Variants in PPP2R2B observed in about 807,000 individuals in gnomAD.
PPP2R2B encodes protein phosphatase 2 regulatory subunit Bbeta.
In PPP2R2B, 5 loss-of-function variants were observed where a neutral mutation model predicts 46.0. The ratio of observed to expected loss-of-function variants is 0.11; its 90% CI spans 0.06 to 0.23. PPP2R2B has a LOEUF of 0.23. Ranked by LOEUF, PPP2R2B falls within the 10% of genes least tolerant of loss-of-function variation. PPP2R2B has a pLI of 1.00. For missense variants in PPP2R2B, 367 were observed against 575.0 expected (o/e 0.64, Z 3.70); for synonymous variants, 215 against 206.7 (o/e 1.04, Z -0.34).
At chr5:146,783,776 C>A (rs1313098081) in intron 2 of PPP2R2B, among the ~76,000 whole-genome samples, 1 of 152,184 alleles carries the variant, frequency 6.6e-6, no homozygotes, top group East Asian at 1.9e-4. Context: ...CTCTGAGGAA[C>A]AAGGACCTGA....
chr5:146,892,336 G>A (rs116463004), intron 1 of PPP2R2B, among the ~76,000 whole-genome samples: 58 of 152,226 alleles, frequency 3.8e-4, no homozygotes, highest in East Asian at 5.8e-4. Flanking sequence ...GTAAAATAGC[G>A]TTGAAATAAT....
intron 2 of PPP2R2B, among the ~76,000 whole-genome samples, chr5:146,803,971 T>A (rs1303587414): frequency 2.0e-5 from 3 of 152,024 alleles, no homozygotes; most frequent in African/African-American, 7.2e-5. Context: ...ATAAAGACCA[T>A]CCTGGCTAAT....
At chr5:146,805,014 C>T (rs1196770857) in intron 2 of PPP2R2B, among the ~76,000 whole-genome samples, 5 of 151,854 alleles carry the variant, frequency 3.3e-5, no homozygotes, top group East Asian at 3.8e-4. Context: ...CAAGATGGCA[C>T]CATAAACAAC....
intron 2 of PPP2R2B, among the ~76,000 whole-genome samples, chr5:146,712,408 G>A (rs879385039): frequency 2.6e-5 from 4 of 152,110 alleles, no homozygotes; most frequent in South Asian, 2.1e-4. Flanking sequence ...AACTAGTGTT[G>A]ATTTTCATCA....
intron 1 of PPP2R2B, among the ~76,000 whole-genome samples, chr5:146,974,623 T>G (rs1291492062): frequency 3.3e-5 from 5 of 152,098 alleles, no homozygotes; most frequent in Non-Finnish European, 5.9e-5. Flanking sequence ...ACTATATGCT[T>G]AATAAATTAA....
intron 7 of PPP2R2B, among the ~76,000 whole-genome samples, chr5:146,620,110 A>G (rs1333347233): frequency 6.6e-6 from 1 of 152,112 alleles, no homozygotes; most frequent in African/African-American, 2.4e-5. Flanking sequence ...AAAGGACCAT[A>G]TGGTCTCTGA....
intron 2 of PPP2R2B, among the ~76,000 whole-genome samples, chr5:146,874,366 C>T (rs1348578511): frequency 6.6e-6 from 1 of 152,122 alleles, no homozygotes; most frequent in African/African-American, 2.4e-5. Context: ...CTTGTTCTTC[C>T]TTTAATATGT....
intron 1 of PPP2R2B, among the ~76,000 whole-genome samples, chr5:147,021,806 AG>A (rs1169936072): frequency 1.3e-5 from 2 of 152,218 alleles, no homozygotes; most frequent in East Asian, 3.9e-4. Flanking sequence ...AAAAATTTCT[AG>A]ATATGCAAAG....
chr5:146,741,695 C>T (rs977877857), intron 2 of PPP2R2B, among the ~76,000 whole-genome samples: 2 of 152,220 alleles, frequency 1.3e-5, no homozygotes, highest in African/African-American at 2.4e-5. Flanking sequence ...GCTGCCACTC[C>T]TGCCTGTGCT....
chr5:147,064,514 C>A (rs1463586978), intron 2 of PPP2R2B, among the ~76,000 whole-genome samples: 2 of 152,174 alleles, frequency 1.3e-5, no homozygotes, highest in Non-Finnish European at 2.9e-5. Flanking sequence ...GCCTCAGAGA[C>A]CTGGGCTGTG....
At chr5:146,759,142 T>G (rs1022868065) in intron 2 of PPP2R2B, among the ~76,000 whole-genome samples, 17 of 152,212 alleles carry the variant, frequency 1.1e-4, no homozygotes, top group Non-Finnish European at 1.0e-4. Flanking sequence ...GCTTATGATT[T>G]AAATTCATTA....
intron 1 of PPP2R2B, among the ~76,000 whole-genome samples, chr5:146,944,143 A>G (rs910640400): frequency 1.3e-5 from 2 of 152,196 alleles, no homozygotes; most frequent in Admixed American, 6.6e-5. Context: ...TTTCACTACA[A>G]GTAGTTCCAT....
intron 2 of PPP2R2B, among the ~76,000 whole-genome samples, chr5:146,864,014 A>G (rs1001171469): frequency 3.3e-5 from 5 of 152,328 alleles, no homozygotes; most frequent in Non-Finnish European, 5.9e-5. Flanking sequence ...GCGATTTTAG[A>G]AGGAAATTTA....
intron 2 of PPP2R2B, among the ~76,000 whole-genome samples, chr5:146,861,710 C>T (rs1404280235): frequency 6.6e-6 from 1 of 152,080 alleles, no homozygotes; most frequent in Non-Finnish European, 1.5e-5. Context: ...ATTTCATCAG[C>T]CTGAGTTATC....
At chr5:147,010,506 C>T (rs903146041) in intron 1 of PPP2R2B, among the ~76,000 whole-genome samples, 12 of 152,268 alleles carry the variant, frequency 7.9e-5, no homozygotes, top group Non-Finnish European at 1.2e-4. Context: ...GACAGATTTT[C>T]AGGCATTAGA....
intron 2 of PPP2R2B, among the ~76,000 whole-genome samples, chr5:146,829,053 A>T (rs1001715114): frequency 4.6e-5 from 7 of 152,170 alleles, no homozygotes; most frequent in East Asian, 1.9e-4. Context: ...GAAAGAAAAA[A>T]TTTTTTAAAA....
intron 2 of PPP2R2B, among the ~76,000 whole-genome samples, chr5:146,736,634 G>A (rs577095834): frequency 1.3e-5 from 2 of 152,078 alleles, no homozygotes; most frequent in Non-Finnish European, 2.9e-5. Context: ...CCAGCCCCCA[G>A]CACCACCCCC....
chr5:147,027,288 G>GAATATAAC lies in PPP2R2B; in HGVS notation c.79+28376_79+28377insGTTATATT, dbSNP rs202100048. Among the ~76,000 whole-genome samples the GAATATAAC allele has an allele frequency of 0.011, 1,687 of 152,244 alleles. 87 individuals are homozygous for GAATATAAC. The East Asian group carries it at 0.17, about 16-fold the overall frequency. ...CATTGCAAATGTACTAAATACCACTGCATTGTTCATCTGAAAATGGTTAAT... is the reference window on the plus strand; with the variant it reads ...CATTGCAAATGTACTAAATACCACTGAATATAACCATTGTTCATCTGAAAATGGTTAAT... On this transcript the variant is annotated intron_variant, in intron 1 of 8. Transcript: ENST00000336640.
intron 7 of PPP2R2B, among the ~76,000 whole-genome samples, chr5:146,618,789 C>A (rs943452923): frequency 6.6e-6 from 1 of 152,140 alleles, no homozygotes; most frequent in South Asian, 2.1e-4. Flanking sequence ...ACCCATAAGC[C>A]GACACAGTTC....
Sources: allele counts gnomAD v4.1 joint callset (sites outside exome capture counted in the v4.1 genomes callset), GRCh38; gene constraint gnomAD v4.1.1; transcripts MANE v1.5; gene names NCBI Gene and HGNC (gene_info 2026-07-23, HGNC 2026-07-21).